PDE4D: variants seen among roughly 807,000 people sequenced by gnomAD.
PDE4D encodes the protein 3',5'-cyclic-AMP phosphodiesterase 4D.
In PDE4D, 24 loss-of-function variants were observed where a neutral mutation model predicts 87.4. That is an observed-to-expected ratio of 0.27 (90% CI 0.20 to 0.39). PDE4D has a LOEUF of 0.39. Ranked by LOEUF, PDE4D falls within the 10% of genes least tolerant of loss-of-function variation. The pLI is 1.00. For missense variants in PDE4D, 714 were observed against 1,041.0 expected (o/e 0.69, Z 4.32); for synonymous variants, 384 against 383.2 (o/e 1.00, Z -0.02).
intron 5 of PDE4D, among the ~76,000 whole-genome samples, chr5:59,131,697 C>CTTA (rs35985169): frequency 0.17 from 25,061 of 148,720 alleles, 2,216 homozygotes; most frequent in African/African-American, 0.19. Flanking sequence ...CCTTTTTGTC[C>CTTA]TTGTTTTGCA....
chr5:59,157,590 T>C (rs1003187290), intron 5 of PDE4D, among the ~76,000 whole-genome samples: 3 of 152,238 alleles, frequency 2.0e-5, no homozygotes, highest in Non-Finnish European at 2.9e-5. Flanking sequence ...ATAATTGTTA[T>C]TATTACCATA....
intron 2 of PDE4D, among the ~76,000 whole-genome samples, chr5:60,038,175 T>G (rs1312380942): frequency 6.6e-6 from 1 of 152,180 alleles, no homozygotes. Flanking sequence ...TTGCTTTTGG[T>G]GTTTTAGACA....
chr5:59,985,737 G>A (rs992791184), intron 3 of PDE4D, among the ~76,000 whole-genome samples: 4 of 152,142 alleles, frequency 2.6e-5, no homozygotes, highest in East Asian at 3.9e-4. Flanking sequence ...CTTGGTATAT[G>A]TAGGGGATTG....
intron 1 of PDE4D, among the ~76,000 whole-genome samples, chr5:59,543,729 C>A (rs1026314997): frequency 1.3e-5 from 2 of 152,062 alleles, no homozygotes; most frequent in African/African-American, 4.8e-5. Flanking sequence ...GCGCCCACCC[C>A]TACACGCCAG....
At chr5:58,980,966 A>C (rs546567527) in intron 11 of PDE4D, among the ~76,000 whole-genome samples, 1 of 152,306 alleles carries the variant, frequency 6.6e-6, no homozygotes, top group South Asian at 2.1e-4. Context: ...AGGCAGGAGA[A>C]TATGTATGTC....
At chr5:59,700,805 T>C (rs1490159589) in intron 1 of PDE4D, among the ~76,000 whole-genome samples, 2 of 152,168 alleles carry the variant, frequency 1.3e-5, no homozygotes, top group Non-Finnish European at 2.9e-5. Context: ...CCACTAAACA[T>C]TTATGAAATT....
chr5:60,335,371 T>G lies in PDE4D; in HGVS notation c.-89-149684A>C, dbSNP rs954860773. On this transcript the variant is annotated intron_variant, in intron 1 of 16. Transcript: ENST00000502484. ...AGGGTTGGTCAACATTAAAGTTGAT[T>G]AGACAATTATGGGAGTTAGGATTCT... is the stretch of plus-strand genomic sequence containing the variant. 2.6e-5 allele frequency among the ~76,000 whole-genome samples: 4 copies of G among 152,144 alleles called. No individual in the cohort carries two copies. In the East Asian group the frequency reaches 7.7e-4, roughly 29 times the overall value.
intron 2 of PDE4D, among the ~76,000 whole-genome samples, chr5:59,201,413 G>A (rs764589079): frequency 3.9e-5 from 6 of 151,928 alleles, no homozygotes; most frequent in Admixed American, 1.3e-4. Flanking sequence ...TCCATATAGC[G>A]TTTAAAAGAG....
At chr5:59,180,773 T>G in intron 4 of PDE4D, 129 bp from the exon 5 acceptor site, 1 of 863,520 alleles carries the variant, frequency 1.2e-6, no homozygotes, top group South Asian at 1.6e-5. Flanking sequence ...GCAAATGATT[T>G]CTTTCAGACT....
chr5:59,847,764 G>A (rs1356720247), intron 1 of PDE4D, among the ~76,000 whole-genome samples: 1 of 152,074 alleles, frequency 6.6e-6, no homozygotes, highest in South Asian at 2.1e-4. Context: ...ACAGAAGTCT[G>A]CTCTGAAAGT....
chr5:59,591,624 T>A (rs1351718551), intron 1 of PDE4D, among the ~76,000 whole-genome samples: 1 of 152,214 alleles, frequency 6.6e-6, no homozygotes, highest in Non-Finnish European at 1.5e-5. Flanking sequence ...AGATGACTTA[T>A]TTATCTTATA....
intron 1 of PDE4D, among the ~76,000 whole-genome samples, chr5:59,756,091 T>C (rs144296872): frequency 1.6e-3 from 249 of 151,970 alleles, no homozygotes; most frequent in African/African-American, 5.7e-3. Context: ...TTATTTTAGT[T>C]CTTCTGAAGA....
chr5:60,075,007 A>T (rs1773133445), intron 2 of PDE4D, among the ~76,000 whole-genome samples: 1 of 152,048 alleles, frequency 6.6e-6, no homozygotes. Context: ...ATTTACCTTG[A>T]AGGTTGGTAT....
intron 1 of PDE4D, among the ~76,000 whole-genome samples, chr5:59,699,681 T>C (rs796748123): frequency 9.8e-5 from 15 of 152,294 alleles, no homozygotes; most frequent in African/African-American, 3.1e-4. Flanking sequence ...TGATCAAAGA[T>C]CAATGGAACC....
chr5:59,231,051 T>G (rs1343782215), intron 1 of PDE4D, among the ~76,000 whole-genome samples: 1 of 152,200 alleles, frequency 6.6e-6, no homozygotes, highest in African/African-American at 2.4e-5. Flanking sequence ...ATTAGCTTTC[T>G]CTCATGATTT....
chr5:60,081,247 T>C (rs945054090), intron 2 of PDE4D, among the ~76,000 whole-genome samples: 2 of 152,120 alleles, frequency 1.3e-5, no homozygotes, highest in Non-Finnish European at 2.9e-5. Context: ...TATCATTTTT[T>C]ATTGCATCTA....
At chr5:59,075,657 A>G (rs986934343) in intron 5 of PDE4D, among the ~76,000 whole-genome samples, 8 of 152,164 alleles carry the variant, frequency 5.3e-5, no homozygotes, top group African/African-American at 1.9e-4. Flanking sequence ...AAGACTTCTT[A>G]TAATATGGAA....
At chr5:59,529,603 A>T (rs1048086906) in intron 1 of PDE4D, among the ~76,000 whole-genome samples, 3 of 152,212 alleles carry the variant, frequency 2.0e-5, no homozygotes, top group African/African-American at 4.8e-5. Flanking sequence ...TCAACAAAAA[A>T]GTTTGTTTCC....
intron 1 of PDE4D, among the ~76,000 whole-genome samples, chr5:60,420,178 G>A (rs1214174040): frequency 6.6e-6 from 1 of 152,182 alleles, no homozygotes; most frequent in Admixed American, 6.5e-5. Context: ...ATGGGTTTGA[G>A]AGAGCTCATA....
Sources: allele counts gnomAD v4.1 joint callset (sites outside exome capture counted in the v4.1 genomes callset), GRCh38; gene constraint gnomAD v4.1.1; transcripts MANE v1.5; gene names NCBI Gene and HGNC (gene_info 2026-07-23, HGNC 2026-07-21).